NT5DC1: variants seen among roughly 807,000 people sequenced by gnomAD.
The protein encoded by NT5DC1 is 5'-nucleotidase domain containing 1, also known as 5'-nucleotidase domain-containing protein 1.
A neutral mutation model predicts 59.4 loss-of-function variants in NT5DC1; 42 were observed. The ratio of observed to expected loss-of-function variants is 0.71; its 90% CI spans 0.55 to 0.92. The LOEUF (loss-of-function observed/expected upper bound fraction) is 0.92. NT5DC1 is among the 40% of genes least tolerant of loss of function. NT5DC1 has a pLI of 0.00. For synonymous variants in NT5DC1, 172 were observed against 188.1 expected, an observed-to-expected ratio of 0.91 and a Z score of 0.70; for missense variants, 501 against 537.1, an observed-to-expected ratio of 0.93 and a Z score of 0.66.
intron 6 of NT5DC1, among the ~76,000 whole-genome samples, chr6:116,200,522 T>C (rs988351911): frequency 2.6e-5 from 4 of 152,092 alleles, no homozygotes; most frequent in African/African-American, 9.7e-5. Flanking sequence ...TTTGTAATTT[T>C]TCTGTCCATC....
At chr6:116,234,787 T>A (rs1271650110) in intron 8 of NT5DC1, among the ~76,000 whole-genome samples, 1 of 152,232 alleles carries the variant, frequency 6.6e-6, no homozygotes, top group Admixed American at 6.5e-5. Flanking sequence ...CTGAGTTTGT[T>A]CCTCTGTACT....
At chr6:116,206,898 G>T (rs1781463854) in intron 6 of NT5DC1, among the ~76,000 whole-genome samples, 2 of 151,898 alleles carry the variant, frequency 1.3e-5, no homozygotes, top group South Asian at 4.1e-4. Flanking sequence ...AAATAATTGT[G>T]TGCAAAATAT....
intron 6 of NT5DC1, among the ~76,000 whole-genome samples, chr6:116,220,585 CTG>C (rs1397649025): frequency 6.6e-6 from 1 of 152,226 alleles, no homozygotes; most frequent in Non-Finnish European, 1.5e-5. Context: ...AAATAGCAAA[CTG>C]TGACTCTGAG....
intron 4 of NT5DC1, 80 bp downstream of exon 4, chr6:116,111,036 G>A: frequency 1.1e-6 from 1 of 947,668 alleles, no homozygotes; most frequent in Non-Finnish European, 1.7e-6. Flanking sequence ...GGACAAAGAA[G>A]ACCCCCCTTT....
intron 3 of NT5DC1, chr6:116,110,602 C>T: frequency 1.7e-6 from 1 of 574,732 alleles, no homozygotes; most frequent in Non-Finnish European, 3.1e-6. Context: ...GGTATCTTAT[C>T]CAGTGTTGAC....
intron 6 of NT5DC1, among the ~76,000 whole-genome samples, chr6:116,151,744 A>G (rs1420422921): frequency 2.0e-5 from 3 of 152,204 alleles, no homozygotes; most frequent in African/African-American, 4.8e-5. Context: ...TAGCTTTTCT[A>G]TAATAAATAC....
intron 6 of NT5DC1, among the ~76,000 whole-genome samples, chr6:116,185,032 C>T (rs928793633): frequency 6.6e-6 from 1 of 151,964 alleles, no homozygotes; most frequent in African/African-American, 2.4e-5. Context: ...ACTGCCTTTG[C>T]TGTATTCTGG....
intron 6 of NT5DC1, among the ~76,000 whole-genome samples, chr6:116,187,759 A>G (rs1351229052): frequency 6.6e-6 from 1 of 152,124 alleles, no homozygotes; most frequent in Non-Finnish European, 1.5e-5. Context: ...TAAAGCTATC[A>G]GAAGAAAATC....
chr6:116,200,541 CTAAAAT>C (rs1397904326), intron 6 of NT5DC1, among the ~76,000 whole-genome samples: 1 of 151,898 alleles, frequency 6.6e-6, no homozygotes, highest in Non-Finnish European at 1.5e-5. Context: ...TCTAAAACTA[CTAAAAT>C]TAAAATTTTA....
At chr6:116,225,845 C>T (rs560887439) in intron 8 of NT5DC1, among the ~76,000 whole-genome samples, 10 of 152,290 alleles carry the variant, frequency 6.6e-5, no homozygotes, top group African/African-American at 2.2e-4. Context: ...TGAGAATGAT[C>T]TGCTGCAGTG....
At chr6:116,164,942 C>A (rs1220663072) in intron 6 of NT5DC1, among the ~76,000 whole-genome samples, 2 of 151,596 alleles carry the variant, frequency 1.3e-5, no homozygotes, top group African/African-American at 4.8e-5. Context: ...AAATAAAATA[C>A]AAAAAATTAG....
At chr6:116,219,286 T>G (rs1423377193) in intron 6 of NT5DC1, among the ~76,000 whole-genome samples, 1 of 152,192 alleles carries the variant, frequency 6.6e-6, no homozygotes, top group Non-Finnish European at 1.5e-5. Context: ...CCGCTGCAGT[T>G]CTACATAGAA....
At chr6:116,201,569 A>G (rs1781347658) in intron 6 of NT5DC1, among the ~76,000 whole-genome samples, 1 of 152,006 alleles carries the variant, frequency 6.6e-6, no homozygotes, top group African/African-American at 2.4e-5. Context: ...AGTCAGGTTT[A>G]CTGATGATAT....
chr6:116,147,676 A>G lies in NT5DC1; in HGVS notation c.529+29731A>G, dbSNP rs73772283. Among the ~76,000 whole-genome samples, 350 of 152,310 alleles carry G rather than the reference A, an allele frequency of 2.3e-3. 2 individuals carry two copies. Among genetic ancestry groups the G allele is most frequent in the African/African-American group, 8.2e-3 (341 of 41,580 alleles). On this transcript the variant is annotated intron_variant, in intron 6 of 11. Coordinates refer to ENST00000319550, the MANE Select transcript of NT5DC1 (RefSeq NM_152729.3). Reference sequence around the variant, plus strand: ...GAAATTGCAAATAGAAACTGTTACAAGACTTTATATAAACTTTAAAAATGT... The same window carrying G: ...GAAATTGCAAATAGAAACTGTTACAGGACTTTATATAAACTTTAAAAATGT...
At chr6:116,120,393 A>C in intron 6 of NT5DC1, 1 of 1,614,256 alleles carries the variant, frequency 6.2e-7, no homozygotes, top group South Asian at 1.1e-5. Context: ...CTGTTATACA[A>C]AATTTTATCA....
chr6:116,219,025 C>T (rs1035358632), intron 6 of NT5DC1, among the ~76,000 whole-genome samples: 3 of 152,120 alleles, frequency 2.0e-5, no homozygotes, highest in Admixed American at 1.3e-4. Context: ...CACAGTGGCT[C>T]ATGCCTGTAA....
At chr6:116,109,379 G>A (rs549908513) in intron 3 of NT5DC1, among the ~76,000 whole-genome samples, 1 of 152,228 alleles carries the variant, frequency 6.6e-6, no homozygotes, top group African/African-American at 2.4e-5. Context: ...GGCATTGAGA[G>A]ATAGGGTATG....
chr6:116,120,521 G>C (rs144424564), intron 6 of NT5DC1: 15 of 1,613,966 alleles, frequency 9.3e-6, no homozygotes, highest in African/African-American at 1.3e-5. Context: ...AGAAAGACTG[G>C]GCCTTTGGCC....
chr6:116,148,985 A>G (rs567107064), intron 6 of NT5DC1, among the ~76,000 whole-genome samples: 113 of 152,338 alleles, frequency 7.4e-4, no homozygotes, highest in African/African-American at 2.6e-3. Context: ...CATTTAAGTG[A>G]TGAGAATTGA....
Sources: gnomAD v4.1 joint callset for allele counts (sites outside exome capture counted in the v4.1 genomes callset) on GRCh38, gnomAD v4.1.1 for gene constraint, MANE v1.5 for transcripts, NCBI Gene and HGNC (gene_info 2026-07-23, HGNC 2026-07-21) for gene names.